The following TCF20 variants were observed in gnomAD, a reference collection of about 807,000 sequenced individuals.
TCF20 encodes transcription factor 20.
TCF20 carries 3 observed loss-of-function variants against 148.6 expected under a neutral mutation model. The observed-to-expected ratio is 0.02, with a 90% CI of 0.01 to 0.05. TCF20 has a LOEUF of 0.05. Ranked by LOEUF, TCF20 falls within the 10% of genes least tolerant of loss-of-function variation. The probability of loss-of-function intolerance (pLI) is 1.00; values close to 1 mark genes in which losing one functional copy is unlikely to be tolerated. For synonymous variants in TCF20, 1,049 were observed against 909.5 expected, an observed-to-expected ratio of 1.15 and a Z score of -2.76; for missense variants, 2,350 against 2,429.3, an observed-to-expected ratio of 0.97 and a Z score of 0.69.
intron 1 of TCF20, among the ~76,000 whole-genome samples, chr22:42,266,537 G>A (rs966569738): frequency 9.9e-5 from 15 of 152,180 alleles, no homozygotes; most frequent in Non-Finnish European, 1.5e-5. Context: ...GGCTGAGGCA[G>A]GCTGATAACC....
At position 42,297,421 on chromosome 22, in the gene TCF20, G is replaced by A. The variant is rs1044180029; in HGVS notation, c.-37+46058C>T. On this transcript the variant is annotated intron_variant, in intron 1 of 1. Transcript: ENST00000515426. The surrounding 1 kb of genome is among the most constrained non-coding windows in gnomAD (Gnocchi z 4.3). ...CGGTAAATCTAAGGACACTGGTTGT[G>A]CCTTCTTTTTACCAGCAACAAGAAC... Among the ~76,000 whole-genome samples, 1 of 152,174 alleles carries A rather than the reference G, an allele frequency of 6.6e-6. No individual in the cohort carries two copies. Among genetic ancestry groups the A allele is most frequent in the Admixed American group, 6.5e-5 (1 of 15,278 alleles).
At chr22:42,257,424 A>T (rs549525457) in intron 1 of TCF20, among the ~76,000 whole-genome samples, 1 of 152,248 alleles carries the variant, frequency 6.6e-6, no homozygotes, top group African/African-American at 2.4e-5. Flanking sequence ...ACATAGATTA[A>T]TAAGACATGG....
intron 1 of TCF20, among the ~76,000 whole-genome samples, chr22:42,217,896 T>A (rs1921970182): frequency 6.6e-6 from 1 of 152,168 alleles, no homozygotes; most frequent in Non-Finnish European, 1.5e-5. Context: ...ATATCGTAAG[T>A]CTAAAACAGC....
intron 1 of TCF20, among the ~76,000 whole-genome samples, chr22:42,238,442 A>G (rs1924077661): frequency 6.6e-6 from 1 of 152,150 alleles, no homozygotes; most frequent in South Asian, 2.1e-4. Context: ...TCATGTGTTC[A>G]CTGGAGTTGT....
chr22:42,197,801 AT>A, intron 2 of TCF20, among the ~76,000 whole-genome samples: 1 of 152,356 alleles, frequency 6.6e-6, no homozygotes, highest in Admixed American at 6.5e-5. Context: ...TAAACACAAA[AT>A]TAACAGGGAA....
chr22:42,207,882 A>G (rs1409077694), intron 2 of TCF20, among the ~76,000 whole-genome samples: 1 of 152,064 alleles, frequency 6.6e-6, no homozygotes, highest in African/African-American at 2.4e-5. Flanking sequence ...GGAAACAGAC[A>G]AAGATTTTTA....
At chr22:42,303,594 C>T (rs1257011965) in intron 1 of TCF20, among the ~76,000 whole-genome samples, 1 of 152,250 alleles carries the variant, frequency 6.6e-6, no homozygotes, top group Non-Finnish European at 1.5e-5. Context: ...TCTGGACTGT[C>T]TGGCCTCACC....
At chr22:42,343,375 C>G (rs1289947236) in intron 1 of TCF20, 1 of 152,152 alleles carries the variant, frequency 6.6e-6, no homozygotes, top group Admixed American at 6.5e-5. Flanking sequence ...CCAGAGGGAA[C>G]TTGAGACGCC....
chr22:42,234,502 TAGG>T (rs1923702996), intron 1 of TCF20, among the ~76,000 whole-genome samples: 1 of 152,262 alleles, frequency 6.6e-6, no homozygotes, highest in South Asian at 2.1e-4. Flanking sequence ...ACACAGGAGT[TAGG>T]AGGAGCGGAG....
chr22:42,301,380 T>C (rs1927333955), intron 1 of TCF20, among the ~76,000 whole-genome samples: 1 of 152,156 alleles, frequency 6.6e-6, no homozygotes, highest in Non-Finnish European at 1.5e-5. Context: ...GAGACAGACG[T>C]GACCACACAA....
intron 1 of TCF20, 65 bp from the exon 2 acceptor site, chr22:42,215,406 G>A: frequency 1.3e-6 from 2 of 1,491,992 alleles, no homozygotes; most frequent in East Asian, 2.3e-5. Context: ...ATCAAGTCTA[G>A]ATGATGGAGG....
intron 1 of TCF20, among the ~76,000 whole-genome samples, chr22:42,331,650 C>T (rs901335755): frequency 3.2e-4 from 49 of 152,254 alleles, no homozygotes; most frequent in African/African-American, 1.1e-3. Context: ...GGCTTGAGCC[C>T]TGCACCCCAA....
chr22:42,327,026 C>T (rs5751263), intron 1 of TCF20, among the ~76,000 whole-genome samples: 55,187 of 152,170 alleles, frequency 0.36, 10,874 homozygotes, highest in East Asian at 0.58. Context: ...GGAACGATCA[C>T]GTATTCAATG....
At chr22:42,237,287 CT>C in intron 1 of TCF20, among the ~76,000 whole-genome samples, 1 of 152,330 alleles carries the variant, frequency 6.6e-6, no homozygotes, top group Middle Eastern at 3.4e-3. Flanking sequence ...TAGATTCCAT[CT>C]CAATAAATCA....
intron 1 of TCF20, among the ~76,000 whole-genome samples, chr22:42,265,694 A>G (rs1926248939): frequency 6.6e-6 from 1 of 152,210 alleles, no homozygotes; most frequent in African/African-American, 2.4e-5. Flanking sequence ...CATGAGTAAG[A>G]AGGCTTAAGG....
At chr22:42,293,452 C>T (rs1041205281) in intron 1 of TCF20, among the ~76,000 whole-genome samples, 42 of 152,368 alleles carry the variant, frequency 2.8e-4, no homozygotes, top group African/African-American at 9.9e-4. Flanking sequence ...CTTTATCCTG[C>T]ATGACTACCT....
intron 1 of TCF20, among the ~76,000 whole-genome samples, chr22:42,254,076 CAAAA>C (rs528387021): frequency 0.028 from 1,494 of 53,572 alleles, 26 homozygotes; most frequent in African/African-American, 0.08. Flanking sequence ...AACTCCCTTT[CAAAA>C]AAAAAAAAAA....
intron 3 of TCF20, among the ~76,000 whole-genome samples, chr22:42,175,849 C>G (rs1222015501): frequency 6.6e-6 from 1 of 151,736 alleles, no homozygotes; most frequent in Admixed American, 6.6e-5. Flanking sequence ...ACTCTGTTGC[C>G]CAGGCTGGAG....
chr22:42,257,007 A>G (rs553338676), intron 1 of TCF20, among the ~76,000 whole-genome samples: 2 of 152,336 alleles, frequency 1.3e-5, no homozygotes, highest in African/African-American at 4.8e-5. Context: ...AAAAGAAAAT[A>G]AAATTAGCAG....
Sources: gnomAD v4.1 joint callset for allele counts (sites outside exome capture counted in the v4.1 genomes callset) on GRCh38, gnomAD v4.1.1 for gene constraint, Gnocchi (gnomAD v3.1) non-coding constraint, MANE v1.5 for transcripts, NCBI Gene and HGNC (gene_info 2026-07-23, HGNC 2026-07-21) for gene names.